Variants in PLD5 observed in about 807,000 individuals in gnomAD.
PLD5 encodes phospholipase D family member 5.
PLD5 carries 36 observed loss-of-function variants against 61.1 expected under a neutral mutation model. The observed-to-expected ratio is 0.59, with a 90% confidence interval of 0.45 to 0.78. PLD5 has a LOEUF of 0.78. Among genes scored for constraint, PLD5 ranks in the 30% least tolerant of loss-of-function variants. The pLI is 0.00. For synonymous variants in PLD5, 243 were observed against 242.8 expected (o/e 1.00, Z -0.01); for missense variants, 515 against 644.4 (o/e 0.80, Z 2.17).
At position 242,434,849 on chromosome 1, in the gene PLD5, G is replaced by A. The variant is rs528369135; in HGVS notation, c.190-86607C>T. On this transcript the variant is annotated intron_variant, in intron 1 of 9. Transcript: ENST00000536534. ...AGGATGGTCTTGATCTCCTGACCTC[G>A]TGATCTGCCCACCTTGGCCTTCCAA... Among the ~76,000 whole-genome samples, 5 of 152,198 alleles carry A rather than the reference G, an allele frequency of 3.3e-5. No individual in the cohort carries two copies. The South Asian group carries it at 6.2e-4, about 19-fold the overall frequency.
intron 5 of PLD5, among the ~76,000 whole-genome samples, chr1:242,129,689 C>G (rs561588143): frequency 3.3e-5 from 5 of 152,286 alleles, no homozygotes; most frequent in Non-Finnish European, 5.9e-5. Context: ...TGTTTTGTCA[C>G]GTGGATATTT....
chr1:242,103,676 A>T (rs1451654651), intron 8 of PLD5, among the ~76,000 whole-genome samples: 3 of 152,194 alleles, frequency 2.0e-5, no homozygotes, highest in Non-Finnish European at 4.4e-5. Context: ...CCTGACTCCA[A>T]ACCCAGGTTG....
rs1450034264 is a variant in PLD5, at chr1:242,396,677, T to C, written c.190-48435A>G. Among the ~76,000 whole-genome samples, 15 of 142,690 alleles carry C rather than the reference T, an allele frequency of 1.1e-4. 2 individuals are homozygous for C. The highest frequency in any genetic ancestry group is 2.0e-4 in the East Asian group (1 of 5,036). The allele number at this position is 142,690 out of a possible 152,430, so 93.6% of individuals were successfully genotyped here. On this transcript the variant is annotated intron_variant, in intron 1 of 9. Coordinates refer to ENST00000536534, the MANE Select transcript of PLD5 (RefSeq NM_001372062.1). ...TTTCTTTCTTTCTTTTCTTTTCTTT[T>C]TTTTTTTTTTTTTTGAGACGGAGTC... is the stretch of plus-strand genomic sequence containing the variant.
At chr1:242,150,683 C>T (rs1282327374) in intron 5 of PLD5, among the ~76,000 whole-genome samples, 3 of 151,676 alleles carry the variant, frequency 2.0e-5, no homozygotes, top group Non-Finnish European at 3.0e-5. Flanking sequence ...TCATTTTTAG[C>T]CTATTTATAT....
rs1027119375 is a variant in PLD5, at chr1:242,524,363, A to G, written c.-87T>C. On this transcript the variant is annotated 5_prime_UTR_variant, in exon 1 of 10. Transcript: ENST00000536534. ...GGCGCGGAGGGCGAGCGGGAGGCCC[A>G]GCGGGAGCCGGAGGTGGAGCTGGAG... 4.8e-6 allele frequency: 6 copies of G among 1,249,170 alleles called. No individual in the cohort carries two copies. The African/African-American group carries it at 8.0e-5, about 17-fold the overall frequency. The allele number at this position is 1,249,170 out of a possible 1,614,324, so 77.4% of individuals were successfully genotyped here.
chr1:242,470,850 G>A (rs1362156850), intron 1 of PLD5, among the ~76,000 whole-genome samples: 6 of 152,184 alleles, frequency 3.9e-5, no homozygotes, highest in Non-Finnish European at 8.8e-5. Context: ...AATCTCAGCT[G>A]TGCTCAGAAG....
intron 1 of PLD5, among the ~76,000 whole-genome samples, chr1:242,376,587 T>C (rs1234230367): frequency 1.3e-5 from 2 of 152,172 alleles, no homozygotes; most frequent in African/African-American, 4.8e-5. Context: ...CTGCCCTTGT[T>C]ACTAAGAACT....
chr1:242,199,422 T>C (rs1259905663), intron 5 of PLD5, among the ~76,000 whole-genome samples: 1 of 152,014 alleles, frequency 6.6e-6, no homozygotes, highest in Non-Finnish European at 1.5e-5. Context: ...GCCCAGCTAA[T>C]TTTTGTATTT....
chr1:242,127,756 A>G (rs1662914170), intron 5 of PLD5, among the ~76,000 whole-genome samples: 1 of 152,176 alleles, frequency 6.6e-6, no homozygotes, highest in African/African-American at 2.4e-5. Context: ...AATCACCACT[A>G]AAGAACTTGT....
At chr1:242,173,760 T>A (rs1351281214) in intron 5 of PLD5, among the ~76,000 whole-genome samples, 2 of 152,178 alleles carry the variant, frequency 1.3e-5, no homozygotes, top group Non-Finnish European at 2.9e-5. Context: ...TACAACCATC[T>A]GATCTTTGAC....
intron 1 of PLD5, among the ~76,000 whole-genome samples, chr1:242,419,594 T>C (rs1301403933): frequency 2.7e-5 from 4 of 149,028 alleles, no homozygotes; most frequent in Middle Eastern, 3.5e-3. Flanking sequence ...TTTTTTTTTT[T>C]AGTAGAAACA....
intron 2 of PLD5, among the ~76,000 whole-genome samples, chr1:242,325,580 C>T (rs1259075408): frequency 6.6e-6 from 1 of 152,096 alleles, no homozygotes; most frequent in African/African-American, 2.4e-5. Context: ...TCACTTCAAC[C>T]TCCGCCTGCT....
intron 2 of PLD5, among the ~76,000 whole-genome samples, chr1:242,329,650 C>T (rs948025294): frequency 6.6e-5 from 10 of 152,168 alleles, no homozygotes; most frequent in African/African-American, 2.2e-4. Context: ...TGACTGTCTG[C>T]CTTAGGAGAA....
intron 6 of PLD5, 54 bp downstream of exon 6, chr1:242,124,414 A>G (rs1448275393): frequency 6.5e-7 from 1 of 1,534,530 alleles, no homozygotes; most frequent in African/African-American, 1.4e-5. Context: ...CCAACTTAAT[A>G]AAGAGCCTTT....
At chr1:242,202,720 C>T (rs1669058283) in intron 5 of PLD5, among the ~76,000 whole-genome samples, 1 of 152,144 alleles carries the variant, frequency 6.6e-6, no homozygotes, top group South Asian at 2.1e-4. Flanking sequence ...TGAACACACT[C>T]TACTTTGTGC....
At chr1:242,456,340 A>G (rs1248495067) in intron 1 of PLD5, among the ~76,000 whole-genome samples, 1 of 152,158 alleles carries the variant, frequency 6.6e-6, no homozygotes, top group Admixed American at 6.6e-5. Context: ...TTTAAGATCC[A>G]GTTCCTTAGT....
rs1485907151 is a variant in PLD5 at position 242,393,299 on chromosome 1, T to C, written c.190-45057A>G. On this transcript the variant is annotated intron_variant, in intron 1 of 9. Coordinates refer to ENST00000536534, the MANE Select transcript of PLD5 (RefSeq NM_001372062.1). ...GTATATATATGTGTATATATATGAG[T>C]ATATATATGTGTATATATATGAGTA... is the stretch of plus-strand genomic sequence containing the variant. 6.7e-5 allele frequency among the ~76,000 whole-genome samples: 2 copies of C among 29,980 alleles called. 1 individual carries two copies. The allele number at this position is 29,980 out of a possible 152,430, so 19.7% of individuals were successfully genotyped here.
intron 2 of PLD5, among the ~76,000 whole-genome samples, chr1:242,323,672 C>T (rs1307052307): frequency 6.6e-6 from 1 of 152,214 alleles, no homozygotes; most frequent in Non-Finnish European, 1.5e-5. Context: ...CAGAATTCTG[C>T]ACACAAGCCT....
At position 242,418,280 on chromosome 1, in the gene PLD5, C is replaced by A. The variant is rs115500929; in HGVS notation, c.190-70038G>T. On this transcript the variant is annotated intron_variant, in intron 1 of 9. Coordinates refer to ENST00000536534, the MANE Select transcript of PLD5 (RefSeq NM_001372062.1). ...TGAGAAGAGAATTATTGCAGGAGAA[C>A]CTAATTTTAGAGGGGAAGGTCAGGA... 3.0e-3 allele frequency among the ~76,000 whole-genome samples: 463 copies of A among 152,158 alleles called. 2 individuals carry two copies. Among genetic ancestry groups the A allele is most frequent in the African/African-American group, 0.01 (433 of 41,506 alleles).
Sources: gnomAD v4.1 joint callset for allele counts (sites outside exome capture counted in the v4.1 genomes callset) on GRCh38, gnomAD v4.1.1 for gene constraint, MANE v1.5 for transcripts, NCBI Gene and HGNC (gene_info 2026-07-23, HGNC 2026-07-21) for gene names.